The following LIMK1 variants were observed in gnomAD, a reference collection of about 807,000 sequenced individuals.
LIMK1 encodes the protein LIM motif-containing protein kinase.
In LIMK1, 21 loss-of-function variants were observed where a neutral mutation model predicts 77.6. The ratio of observed to expected loss-of-function variants is 0.27; its 90% CI spans 0.19 to 0.39. The LOEUF is 0.39. Ranked by LOEUF, LIMK1 falls within the 10% of genes least tolerant of loss-of-function variation. The pLI, the probability that LIMK1 is intolerant of heterozygous loss-of-function variation, is 1.00. For synonymous variants in LIMK1, 358 were observed against 370.0 expected, an observed-to-expected ratio of 0.97 and a Z score of 0.37; for missense variants, 696 against 901.6, an observed-to-expected ratio of 0.77 and a Z score of 2.92.
At chr7:74,108,194 C>G (rs1237322892) in intron 9 of LIMK1, among the ~76,000 whole-genome samples, 1 of 151,642 alleles carries the variant, frequency 6.6e-6, no homozygotes, top group Non-Finnish European at 1.5e-5. Flanking sequence ...TTAAATTAAC[C>G]GAGCTTGGCA....
intron 10 of LIMK1, 36 bp downstream of exon 10, chr7:74,109,072 C>T (rs370825290): frequency 3.1e-5 from 47 of 1,527,358 alleles, no homozygotes; most frequent in African/African-American, 5.5e-5. Flanking sequence ...CCCCGCTGTG[C>T]GGCCCCGGGC....
intron 9 of LIMK1, 147 bp downstream of exon 9, chr7:74,108,104 C>A: frequency 1.5e-6 from 1 of 652,020 alleles, no homozygotes; most frequent in Non-Finnish European, 2.8e-6. Flanking sequence ...GTAATCCCAA[C>A]ACTTTGGGAG....
chr7:74,085,666 A>G (rs1409492043), intron 1 of LIMK1, 82 bp from the exon 2 acceptor site: 1 of 1,037,820 alleles, frequency 9.6e-7, no homozygotes, highest in Non-Finnish European at 1.5e-6. Context: ...GTGTAGGTAT[A>G]TGTGGGGTGG....
intron 2 of LIMK1, chr7:74,093,362 T>C: frequency 1.3e-6 from 2 of 1,525,778 alleles, no homozygotes; most frequent in Non-Finnish European, 1.8e-6. Flanking sequence ...GTGTAAGGCC[T>C]GGGGCTGGAA....
intron 10 of LIMK1, 60 bp downstream of exon 10, chr7:74,109,096 C>T (rs1799644892): frequency 1.5e-6 from 2 of 1,328,710 alleles, no homozygotes; most frequent in Non-Finnish European, 2.1e-6. Context: ...GCAGCTCCCT[C>T]TGTGAGCCTC....
In LIMK1 at chr7:74,120,987, A is replaced by G. The variant is rs879954939; in HGVS notation, c.1719A>G (p.Pro573=). 1 of 1,522,940 alleles carries G rather than the reference A, an allele frequency of 6.6e-7. No homozygotes were observed. Among genetic ancestry groups the G allele is most frequent in the Non-Finnish European group, 8.9e-7 (1 of 1,126,768 alleles). 94.3% of individuals were successfully genotyped at this position (1,522,940 alleles called of 1,614,324 possible). ...VRGFLDRYCP[P]NCPPSFFPIT... ...GATTCCTGGACCGCTACTGCCCCCC[A>G]AACTGCCCCCCGAGCTTCTTCCCCA... The change falls in exon 15 of 16, where the codon CCA becomes CCG. Residue 573 remains proline (P), a synonymous_variant. Coordinates refer to ENST00000336180, the MANE Select transcript of LIMK1 (RefSeq NM_002314.4).
chr7:74,098,479 C>T (rs1249402518), intron 4 of LIMK1, among the ~76,000 whole-genome samples: 6 of 152,152 alleles, frequency 3.9e-5, no homozygotes, highest in Non-Finnish European at 7.3e-5. Flanking sequence ...GTAGACAGAC[C>T]CGAATGACTC....
chr7:74,111,373 G>A (rs563911657), intron 10 of LIMK1: 1 of 436,940 alleles, frequency 2.3e-6, no homozygotes, highest in African/African-American at 2.0e-5. Context: ...CGGAGGCGAA[G>A]GTTGTAGGGA....
intron 12 of LIMK1, among the ~76,000 whole-genome samples, chr7:74,114,873 C>A (rs1326178064): frequency 1.3e-5 from 2 of 150,008 alleles, no homozygotes; most frequent in African/African-American, 4.9e-5. Context: ...TGAGATCGTG[C>A]CACTGCACTT....
intron 12 of LIMK1, among the ~76,000 whole-genome samples, chr7:74,113,401 G>T (rs1768555003): frequency 6.6e-6 from 1 of 152,040 alleles, no homozygotes; most frequent in South Asian, 2.1e-4. Context: ...CGAAGTGGGT[G>T]GATCACTTGA....
chr7:74,087,900 T>C (rs1554694261), intron 2 of LIMK1, among the ~76,000 whole-genome samples: 1 of 151,752 alleles, frequency 6.6e-6, no homozygotes, highest in Admixed American at 6.6e-5. Context: ...TCGGTTTGTT[T>C]TTTTGTTTCT....
Position 74,097,167 on chromosome 7 carries a change from G to C in LIMK1, c.379G>C (p.Val127Leu). 6.2e-7 allele frequency: 1 copy of C among 1,612,024 alleles called. No individual in the cohort carries two copies. The highest frequency in any genetic ancestry group is 8.5e-7 in the Non-Finnish European group (1 of 1,179,424). Residue 127 changes from valine (V) to leucine (L), a missense_variant, in exon 4 of 16, where the codon GTG (valine) becomes CTG (leucine). Physicochemically the swap from Val to Leu is conservative, Grantham distance 32. Coordinates refer to ENST00000336180, the MANE Select transcript of LIMK1 (RefSeq NM_002314.4). ...CGGTGACGGGGACACCTACACGCTGGTGGAGCACTCCAAGCTGTACTGGTG... is the reference window on the plus strand; with the variant it reads ...CGGTGACGGGGACACCTACACGCTGCTGGAGCACTCCAAGCTGTACTGGTG... The part of the protein sequence containing the change: ...FIGDGDTYTL[V>L]EHSKLYCGHC...
chr7:74,112,711 A>T (rs561726948), intron 12 of LIMK1, among the ~76,000 whole-genome samples: 12 of 152,142 alleles, frequency 7.9e-5, no homozygotes, highest in Admixed American at 7.9e-4. Flanking sequence ...TGTAGTCCCA[A>T]CTACTTGGGA....
rs1322152360 is a variant in LIMK1, at chr7:74,083,819, C to G, written c.-172C>G. The G allele has an allele frequency of 2.1e-5, 3 of 146,036 alleles. No individual in the cohort carries two copies. 9.0% of individuals were successfully genotyped at this position (146,036 alleles called of 1,614,324 possible). A position where few individuals can be genotyped will look rare whatever the true frequency, so the allele number is the denominator to read the frequency against. On this transcript the variant is annotated 5_prime_UTR_variant, in exon 1 of 16. Transcript: ENST00000336180. ...CCGCCCCTCCGCTCGCTCCCCAAGCCGCCGCGGCGCCGAGCCGGTTTCCCC... is the reference window on the plus strand; with the variant it reads ...CCGCCCCTCCGCTCGCTCCCCAAGCGGCCGCGGCGCCGAGCCGGTTTCCCC...
chr7:74,094,828 A>T (rs1188222197), intron 2 of LIMK1, among the ~76,000 whole-genome samples: 3 of 147,772 alleles, frequency 2.0e-5, no homozygotes, highest in South Asian at 2.1e-4. Flanking sequence ...CGCCCCTGCC[A>T]CCGCCACCAC....
intron 1 of LIMK1, 50 bp from the exon 2 acceptor site, chr7:74,085,698 C>T: frequency 2.1e-6 from 3 of 1,460,456 alleles, no homozygotes; most frequent in South Asian, 1.2e-5. Flanking sequence ...TGGGCCTGCA[C>T]CAGATCACAC....
intron 2 of LIMK1, among the ~76,000 whole-genome samples, chr7:74,090,611 G>A (rs1017214166): frequency 6.6e-6 from 1 of 152,152 alleles, no homozygotes; most frequent in African/African-American, 2.4e-5. Context: ...AGTCTCCCTC[G>A]GGCCCTGGGC....
At chr7:74,102,610 A>T (rs1799489446) in intron 5 of LIMK1, among the ~76,000 whole-genome samples, 1 of 150,448 alleles carries the variant, frequency 6.6e-6, no homozygotes, top group African/African-American at 2.4e-5. Flanking sequence ...CTGCCTCCCA[A>T]GTAGCTGGGA....
rs1799917798 is a variant in LIMK1 at position 74,120,750 on chromosome 7, A to G, written c.1623+112A>G. 4 of 1,528,694 alleles carry G rather than the reference A, an allele frequency of 2.6e-6. No individual in the cohort carries two copies. The South Asian group carries it at 4.5e-5, about 17-fold the overall frequency. The allele number at this position is 1,528,694 out of a possible 1,614,324, so 94.7% of individuals were successfully genotyped here. A position where few individuals can be genotyped will look rare whatever the true frequency, so the allele number is the denominator to read the frequency against. On this transcript the variant is annotated intron_variant, in intron 14 of 15. Transcript: ENST00000336180. ...TCATGCCAGGAAGCCTGCCCACAGC[A>G]AGGCATGGGCTGGCCCCCATGGGGT... is the stretch of plus-strand genomic sequence containing the variant.
Sources: allele counts gnomAD v4.1 joint callset (sites outside exome capture counted in the v4.1 genomes callset), GRCh38; gene constraint gnomAD v4.1.1; transcripts MANE v1.5; gene names NCBI Gene and HGNC (gene_info 2026-07-23, HGNC 2026-07-21).